SSH1: variants seen among roughly 807,000 people sequenced by gnomAD.
SSH1 encodes the protein protein phosphatase Slingshot homolog 1.
In SSH1, 43 loss-of-function variants were observed where a neutral mutation model predicts 79.7. The observed-to-expected ratio is 0.54, with a 90% confidence interval of 0.42 to 0.70. The LOEUF is 0.70. Among genes scored for constraint, SSH1 ranks in the 30% least tolerant of loss-of-function variants. The pLI is 0.00. For synonymous variants in SSH1, 599 were observed against 538.3 expected (o/e 1.11, Z -1.56); for missense variants, 1,206 against 1,358.8 (o/e 0.89, Z 1.77).
At position 108,789,023 on chromosome 12, in the gene SSH1, G is replaced by C; in HGVS notation, c.2115C>G (p.Ala705=). 1 of 1,609,076 alleles carries C rather than the reference G, an allele frequency of 6.2e-7. No homozygotes were observed. The highest frequency in any genetic ancestry group is 8.5e-7 in the Non-Finnish European group (1 of 1,176,588). The stretch of plus-strand genomic sequence containing the variant: ...ACGGGGGAGGTTCGGTTGGGCCAGA[G>C]GCTGGCTTCTCCGGAACACGGGACC... ...ASRSRVPEKP[A]SGPTEPPPFL... Residue 705 remains alanine, a synonymous_variant, in exon 15 of 15, where the codon GCC becomes GCG. Transcript: ENST00000326495.
intron 2 of SSH1, among the ~76,000 whole-genome samples, chr12:108,847,366 C>G (rs2038921211): frequency 6.6e-6 from 1 of 152,114 alleles, no homozygotes; most frequent in South Asian, 2.1e-4. Flanking sequence ...CTGCCTGACT[C>G]AGAACCCCAC....
In SSH1 at chr12:108,857,228, G is replaced by A. The variant is rs1211972461; in HGVS notation, c.69+200C>T. Among the ~76,000 whole-genome samples, 1 of 151,984 alleles carries A rather than the reference G, an allele frequency of 6.6e-6. No homozygotes were observed. Among genetic ancestry groups the A allele is most frequent in the Non-Finnish European group, 1.5e-5 (1 of 67,956 alleles). ...GGGTCACACCGCACACAAAGTCCCC[G>A]CACAGCTCCCCAAGACAGGGTCACA... On this transcript the variant is annotated intron_variant, in intron 1 of 14. Coordinates refer to ENST00000326495, the MANE Select transcript of SSH1 (RefSeq NM_018984.4). This position sits in a 1 kb window ranked among gnomAD's most constrained non-coding sequence, Gnocchi z 4.7.
intron 2 of SSH1, chr12:108,827,663 C>T (rs2038359517): frequency 8.2e-6 from 7 of 854,252 alleles, no homozygotes; most frequent in South Asian, 1.2e-4. Context: ...AAACAAGCAC[C>T]GGGGTGTGCA....
At position 108,784,441 on chromosome 12, in the gene SSH1, A is replaced by G. The variant is rs1183236217; in HGVS notation, c.*3547T>C. ...GCTTAAGCAACAGGGTGCCAAGGAG[A>G]AGGGCTTGCCACCCAGCAGAGAGCT... On this transcript the variant is annotated 3_prime_UTR_variant, in exon 15 of 15. Coordinates refer to ENST00000326495, the MANE Select transcript of SSH1 (RefSeq NM_018984.4). 6.6e-6 allele frequency: 1 copy of G among 152,190 alleles called. No homozygotes were observed. Among genetic ancestry groups the G allele is most frequent in the Non-Finnish European group, 1.5e-5 (1 of 68,078 alleles). 9.4% of individuals were successfully genotyped at this position (152,190 alleles called of 1,614,324 possible).
rs980050332 is a variant in SSH1, at chr12:108,782,609, C to T, written c.*5379G>A. ...GATGCTCAATAAAGACTGGCCATGTCAATGACGATGATGATGACGATGTAT... is the reference window on the plus strand; with the variant it reads ...GATGCTCAATAAAGACTGGCCATGTTAATGACGATGATGATGACGATGTAT... On this transcript the variant is annotated 3_prime_UTR_variant, in exon 15 of 15. Transcript: ENST00000326495. 18 of 152,116 alleles carry T rather than the reference C, an allele frequency of 1.2e-4. No homozygotes were observed. The highest frequency in any genetic ancestry group is 4.3e-4 in the African/African-American group (18 of 41,408). The allele number at this position is 152,116 out of a possible 1,614,324, so 9.4% of individuals were successfully genotyped here.
rs1384831433 is a variant in SSH1 at position 108,835,899 on chromosome 12, TAA to T, written c.111-12540_111-12539del. Among the ~76,000 whole-genome samples, 30 of 135,016 alleles carry T rather than the reference TAA, an allele frequency of 2.2e-4. 5 individuals are homozygous for T. Among genetic ancestry groups the T allele is most frequent in the African/African-American group, 8.3e-4 (30 of 36,032 alleles). 88.6% of individuals were successfully genotyped at this position (135,016 alleles called of 152,430 possible). A position where few individuals can be genotyped will look rare whatever the true frequency, so the allele number is the denominator to read the frequency against. ...TTATATTAATTAATTATAACTATAT[TAA>T]TATAATTAATTATAACTATATTAAT... is the stretch of plus-strand genomic sequence containing the variant. On this transcript the variant is annotated intron_variant, in intron 2 of 14. Coordinates refer to ENST00000326495, the MANE Select transcript of SSH1 (RefSeq NM_018984.4).
Position 108,792,655 on chromosome 12 carries a change from G to A in SSH1, c.1524C>T (p.Pro508=), listed in dbSNP as rs1418986955. 1.9e-6 allele frequency: 3 copies of A among 1,611,778 alleles called. No homozygotes were observed. Among genetic ancestry groups the A allele is most frequent in the Non-Finnish European group, 2.5e-6 (3 of 1,179,898 alleles). Residue 508 remains proline (P), a synonymous_variant, in exon 14 of 15, where the codon CCC becomes CCT. Transcript: ENST00000326495. ...GGTCTGAGAGTCGCCGGAAACAGCA[G>A]GGGAGGGGGGGCCCTAAGCCGGGCT... is the stretch of plus-strand genomic sequence containing the variant. ...AAQPGLGPPL[P]CCFRRLSDPL... is the part of the protein sequence containing the mutation.
At chr12:108,826,319 T>C (rs985507272) in intron 2 of SSH1, 4 of 357,696 alleles carry the variant, frequency 1.1e-5, no homozygotes, top group African/African-American at 8.6e-5. Context: ...ACTCCTGCTC[T>C]ACGCATGAAG....
Position 108,789,208 on chromosome 12 carries a change from G to T in SSH1, c.1930C>A (p.Pro644Thr). The T allele has an allele frequency of 6.2e-7, 1 of 1,604,636 alleles. No homozygotes were observed. The highest frequency in any genetic ancestry group is 8.5e-7 in the Non-Finnish European group (1 of 1,175,288). The stretch of plus-strand genomic sequence containing the variant: ...CAGTCGGCACAGGATTTATAGGAAG[G>T]CTTCACTTTGTTAAGGATCCCAAAT... ...AIFGILNKVKPSYKSCADCMY... is the reference protein window; with the variant it reads ...AIFGILNKVKTSYKSCADCMY... Residue 644 changes from proline (P) to threonine (T), a missense_variant, in exon 15 of 15, where the codon CCT becomes ACT. Around this residue, in one of 5 missense-constraint regions of SSH1, gnomAD observed 709 missense variants for 730.6 expected, o/e 0.97. Coordinates refer to ENST00000326495, the MANE Select transcript of SSH1 (RefSeq NM_018984.4).
intron 1 of SSH1, among the ~76,000 whole-genome samples, chr12:108,855,838 G>C (rs1428482337): frequency 1.3e-5 from 2 of 152,170 alleles, no homozygotes; most frequent in South Asian, 2.1e-4. Context: ...TCTGTGTATA[G>C]ATAACTCATG....
chr12:108,841,241 C>T lies in SSH1; in HGVS notation c.110+11397G>A, dbSNP rs181069951. On this transcript the variant is annotated intron_variant, in intron 2 of 14. Coordinates refer to ENST00000326495, the MANE Select transcript of SSH1 (RefSeq NM_018984.4). ...TGAACGCTGGTAACACTGCTACCTACGAGCTGAGCTTGCACGCACATTCCT... is the reference window on the plus strand; with the variant it reads ...TGAACGCTGGTAACACTGCTACCTATGAGCTGAGCTTGCACGCACATTCCT... Among the ~76,000 whole-genome samples, 726 of 152,352 alleles carry T rather than the reference C, an allele frequency of 4.8e-3. 4 individuals carry two copies. The highest frequency in any genetic ancestry group is 9.9e-3 in the Admixed American group (152 of 15,298).
rs1259913821 is a variant in SSH1, at chr12:108,807,187, G to A, written c.731+446C>T. ...ACCATGGCTGCTGCTAAGGCAGGCT[G>A]CCCTCACCAGTTGTGTTTTTGGATC... On this transcript the variant is annotated intron_variant, in intron 8 of 14. Transcript: ENST00000326495. This position sits in a 1 kb window ranked among gnomAD's most constrained non-coding sequence, Gnocchi z 5.2. Among the ~76,000 whole-genome samples, 1 of 152,188 alleles carries A rather than the reference G, an allele frequency of 6.6e-6. No homozygotes were observed. Among genetic ancestry groups the A allele is most frequent in the Non-Finnish European group, 1.5e-5 (1 of 68,038 alleles).
At chr12:108,834,483 G>A (rs1212430580) in intron 2 of SSH1, 2 of 152,234 alleles carry the variant, frequency 1.3e-5, no homozygotes, top group Non-Finnish European at 2.9e-5. Flanking sequence ...TGTATCCGCG[G>A]GTTCCTCATC....
rs1018128013 is a variant in SSH1 at position 108,807,468 on chromosome 12, A to G, written c.731+165T>C. ...TGCATGGGACAGGGGCCTGTGTCAC[A>G]GACCCCTGCTTTAAACGCTGGTTCT... On this transcript the variant is annotated intron_variant, in intron 8 of 14. Transcript: ENST00000326495. This position sits in a 1 kb window ranked among gnomAD's most constrained non-coding sequence, Gnocchi z 5.2. 8.1e-6 allele frequency: 5 copies of G among 614,868 alleles called. No individual in the cohort carries two copies. The highest frequency in any genetic ancestry group is 1.4e-5 in the Non-Finnish European group (5 of 349,120). The allele number at this position is 614,868 out of a possible 1,614,324, so 38.1% of individuals were successfully genotyped here. A position where few individuals can be genotyped will look rare whatever the true frequency, so the allele number is the denominator to read the frequency against.
chr12:108,794,357 A>C (rs1467890519), intron 13 of SSH1, among the ~76,000 whole-genome samples: 3 of 152,106 alleles, frequency 2.0e-5, no homozygotes, highest in Non-Finnish European at 4.4e-5. Context: ...GGCTTTTTGC[A>C]CACAGCACCC....
chr12:108,837,267 A>G (rs1327478945), intron 2 of SSH1, among the ~76,000 whole-genome samples: 1 of 152,218 alleles, frequency 6.6e-6, no homozygotes, highest in Non-Finnish European at 1.5e-5. Context: ...CCAGGCCACA[A>G]GAGTCAAAGA....
In SSH1 at chr12:108,783,517, A is replaced by G. The variant is rs1237555941; in HGVS notation, c.*4471T>C. 6.6e-6 allele frequency: 1 copy of G among 152,264 alleles called. No homozygotes were observed. Among genetic ancestry groups the G allele is most frequent in the Non-Finnish European group, 1.5e-5 (1 of 68,048 alleles). 9.4% of individuals were successfully genotyped at this position (152,264 alleles called of 1,614,324 possible). On this transcript the variant is annotated 3_prime_UTR_variant, in exon 15 of 15. Transcript: ENST00000326495. ...ATGCAGCAAGGCCGACAGGAAGGAC[A>G]GTGGAGGACTGGTGATCTGCTTATC...
Position 108,799,192 on chromosome 12 carries a change from T to C in SSH1, c.1157A>G (p.His386Arg). 1 of 1,612,800 alleles carries C rather than the reference T, an allele frequency of 6.2e-7. No individual in the cohort carries two copies. The highest frequency in any genetic ancestry group is 8.5e-7 in the Non-Finnish European group (1 of 1,179,304). Residue 386 changes from histidine to arginine, a missense_variant, in exon 13 of 15, where the codon CAT (histidine) becomes CGT (arginine). Transcript: ENST00000326495. ...TTTGCAATGCACCAGGCACTTGGAATGGTTCCTCCTGCAGGGGTGGGAGCA... is the reference window on the plus strand; with the variant it reads ...TTTGCAATGCACCAGGCACTTGGAACGGTTCCTCCTGCAGGGGTGGGAGCA... ...YHFINKAKRNHSKCLVHCKMG... is the reference protein window; with the variant it reads ...YHFINKAKRNRSKCLVHCKMG...
At chr12:108,796,547 G>C (rs1014450172) in intron 13 of SSH1, among the ~76,000 whole-genome samples, 1 of 152,156 alleles carries the variant, frequency 6.6e-6, no homozygotes, top group African/African-American at 2.4e-5. Context: ...TTAAGGCTGT[G>C]TAGTATCCCA....
Sources: allele counts gnomAD v4.1 joint callset (sites outside exome capture counted in the v4.1 genomes callset), GRCh38; gene constraint gnomAD v4.1.1; regional missense constraint gnomAD v4.1.1; non-coding constraint Gnocchi (gnomAD v3.1); transcripts MANE v1.5; gene names NCBI Gene and HGNC (gene_info 2026-07-23, HGNC 2026-07-21).